THSD7A: variants seen among roughly 807,000 people sequenced by gnomAD.
THSD7A encodes thrombospondin type 1 domain containing 7A, also known as thrombospondin type-1 domain-containing protein 7A.
In THSD7A, 96 loss-of-function variants were observed where a neutral mutation model predicts 231.3. The observed-to-expected ratio is 0.41, with a 90% confidence interval of 0.35 to 0.49. The LOEUF (loss-of-function observed/expected upper bound fraction) is 0.49, where lower values mean the gene tolerates loss of function less well. Ranked by LOEUF, THSD7A falls within the 20% of genes least tolerant of loss-of-function variation. The pLI is 0.05. For synonymous variants in THSD7A, 940 were observed against 743.3 expected, an observed-to-expected ratio of 1.26 and a Z score of -4.30; for missense variants, 2,290 against 2,070.2, an observed-to-expected ratio of 1.11 and a Z score of -2.06.
At chr7:11,820,323 G>T (rs766856505) in intron 1 of THSD7A, 9 of 769,500 alleles carry the variant, frequency 1.2e-5, no homozygotes, top group Non-Finnish European at 1.5e-5. Context: ...GACCCTACTC[G>T]GTTGTGGGCT....
chr7:11,579,265 G>C (rs113331726), intron 4 of THSD7A, among the ~76,000 whole-genome samples: 64 of 152,234 alleles, frequency 4.2e-4, no homozygotes, highest in African/African-American at 1.3e-3. Context: ...GTTAACACTG[G>C]AGAGAGTAGC....
chr7:11,686,655 A>G (rs143653144), intron 1 of THSD7A, among the ~76,000 whole-genome samples: 1 of 152,034 alleles, frequency 6.6e-6, no homozygotes, highest in East Asian at 2.0e-4. Context: ...ACACAGTCAT[A>G]AAAAGAGTGA....
At chr7:11,603,478 C>T (rs1203388756) in intron 2 of THSD7A, among the ~76,000 whole-genome samples, 15 of 151,894 alleles carry the variant, frequency 9.9e-5, no homozygotes, top group Admixed American at 9.9e-4. Flanking sequence ...GGCGATTCCT[C>T]AGGGATCTAG....
At chr7:11,751,719 G>A (rs1782507332) in intron 1 of THSD7A, among the ~76,000 whole-genome samples, 1 of 151,920 alleles carries the variant, frequency 6.6e-6, no homozygotes, top group Non-Finnish European at 1.5e-5. Flanking sequence ...TAGACTTTAC[G>A]GTACACTGGA....
intron 13 of THSD7A, among the ~76,000 whole-genome samples, chr7:11,436,410 A>G (rs1784634477): frequency 6.6e-6 from 1 of 152,088 alleles, no homozygotes; most frequent in African/African-American, 2.4e-5. Flanking sequence ...CATAATTTTA[A>G]CAAAAAGCAG....
chr7:11,759,605 T>C (rs918048210), intron 1 of THSD7A, among the ~76,000 whole-genome samples: 3 of 152,080 alleles, frequency 2.0e-5, no homozygotes, highest in African/African-American at 7.2e-5. Flanking sequence ...AGTTCTCATA[T>C]TCAGAAAGCC....
chr7:11,439,141 C>A (rs1057231595), intron 13 of THSD7A, among the ~76,000 whole-genome samples: 5 of 151,780 alleles, frequency 3.3e-5, no homozygotes, highest in African/African-American at 1.2e-4. Flanking sequence ...CTGAATTGGG[C>A]TTTGATTTTT....
chr7:11,564,642 T>A (rs1169903592), intron 4 of THSD7A, among the ~76,000 whole-genome samples: 1 of 152,136 alleles, frequency 6.6e-6, no homozygotes, highest in African/African-American at 2.4e-5. Context: ...AGATGGGCTG[T>A]CTCCTGATTT....
At chr7:11,413,551 G>A (rs866032150) in intron 17 of THSD7A, among the ~76,000 whole-genome samples, 1 of 151,988 alleles carries the variant, frequency 6.6e-6, no homozygotes, top group Admixed American at 6.6e-5. Context: ...CCTTCATCTC[G>A]CTTTTCTCTT....
At chr7:11,661,331 G>T (rs1204075968) in intron 1 of THSD7A, among the ~76,000 whole-genome samples, 2 of 151,132 alleles carry the variant, frequency 1.3e-5, no homozygotes, top group African/African-American at 4.8e-5. Context: ...TATCAAAATG[G>T]CTCAAATTCA....
intron 4 of THSD7A, among the ~76,000 whole-genome samples, chr7:11,546,255 CT>C (rs1789394067): frequency 6.6e-6 from 1 of 150,518 alleles, no homozygotes; most frequent in African/African-American, 2.5e-5. Flanking sequence ...CACTGCTGCC[CT>C]GTAGTTGATG....
At chr7:11,758,010 CATAT>C (rs3037680) in intron 1 of THSD7A, among the ~76,000 whole-genome samples, 5,552 of 142,692 alleles carry the variant, frequency 0.039, 210 homozygotes, top group African/African-American at 0.093. Flanking sequence ...CATATGCATT[CATAT>C]ATATATATAT....
rs376696751 is a variant in THSD7A at position 11,584,257 on chromosome 7, A to G, written c.1453+6203T>C. Among the ~76,000 whole-genome samples, 6 of 152,286 alleles carry G rather than the reference A, an allele frequency of 3.9e-5. No homozygotes were observed. The South Asian group carries it at 8.3e-4, about 21-fold the overall frequency. Reference sequence around the variant, plus strand: ...TCTGCCCTTAAGATCATTTAAAACAACATTGGAAAAAATATATATGCAATT... The same window carrying G: ...TCTGCCCTTAAGATCATTTAAAACAGCATTGGAAAAAATATATATGCAATT... On this transcript the variant is annotated intron_variant, in intron 4 of 27. Coordinates refer to ENST00000423059, the MANE Select transcript of THSD7A (RefSeq NM_015204.3).
rs1358337630 is a variant in THSD7A, at chr7:11,632,060, G to C, written c.1022+4070C>G. On this transcript the variant is annotated intron_variant, in intron 2 of 27. Coordinates refer to ENST00000423059, the MANE Select transcript of THSD7A (RefSeq NM_015204.3). The surrounding 1 kb of genome is among the most constrained non-coding windows in gnomAD (Gnocchi z 4.1). ...ATGAGTGGCTGTGCCTAATCTGTTT[G>C]TATAAATATAATTTATTATATTACT... Among the ~76,000 whole-genome samples the C allele has an allele frequency of 1.3e-5, 2 of 152,104 alleles. No individual in the cohort carries two copies. Among genetic ancestry groups the C allele is most frequent in the African/African-American group, 4.8e-5 (2 of 41,414 alleles).
At chr7:11,480,301 G>T (rs1212592935) in intron 7 of THSD7A, among the ~76,000 whole-genome samples, 1 of 152,122 alleles carries the variant, frequency 6.6e-6, no homozygotes, top group East Asian at 1.9e-4. Flanking sequence ...GATCTGGTGA[G>T]TTCTGCAAGC....
chr7:11,688,973 A>G (rs1161247416), intron 1 of THSD7A, among the ~76,000 whole-genome samples: 1 of 151,884 alleles, frequency 6.6e-6, no homozygotes, highest in Non-Finnish European at 1.5e-5. Context: ...AAAATAGAAA[A>G]AAAAGTTTCT....
At chr7:11,754,509 G>A (rs941755076) in intron 1 of THSD7A, among the ~76,000 whole-genome samples, 1 of 152,048 alleles carries the variant, frequency 6.6e-6, no homozygotes, top group Non-Finnish European at 1.5e-5. Context: ...ACCACTTTTA[G>A]CATGAATCTT....
intron 6 of THSD7A, among the ~76,000 whole-genome samples, chr7:11,511,902 A>G (rs1258406753): frequency 6.6e-6 from 1 of 152,232 alleles, no homozygotes; most frequent in Non-Finnish European, 1.5e-5. Flanking sequence ...AAACACCAAA[A>G]GCAATGGCAA....
At chr7:11,495,705 G>C (rs529502633) in intron 6 of THSD7A, among the ~76,000 whole-genome samples, 9 of 152,184 alleles carry the variant, frequency 5.9e-5, no homozygotes, top group African/African-American at 2.2e-4. Context: ...ATGGAATAGA[G>C]GCTGCCTATG....
Sources: gnomAD v4.1 joint callset for allele counts (sites outside exome capture counted in the v4.1 genomes callset) on GRCh38, gnomAD v4.1.1 for gene constraint, Gnocchi (gnomAD v3.1) non-coding constraint, MANE v1.5 for transcripts, NCBI Gene and HGNC (gene_info 2026-07-23, HGNC 2026-07-21) for gene names.